The following MARCKS variants were observed in gnomAD, a reference collection of about 807,000 sequenced individuals.
The protein encoded by MARCKS is myristoylated alanine rich protein kinase C substrate.
Under a neutral mutation model 6.3 loss-of-function variants are expected in MARCKS, and 4 were observed. The ratio of observed to expected loss-of-function variants is 0.63; its 90% CI spans 0.31 to 1.45. The LOEUF is 1.45. MARCKS is among the 40% of genes most tolerant of loss of function. The pLI is 0.07. For missense variants in MARCKS, 636 were observed against 485.7 expected (o/e 1.31, Z -2.91); for synonymous variants, 289 against 236.5 (o/e 1.22, Z -2.04).
rs13210099 is a variant in MARCKS, at chr6:113,860,376, G to A, written c.796G>A (p.Glu266Lys). Residue 266 changes from glutamate (E) to lysine (K), a missense_variant, in exon 2 of 2, where the codon GAG becomes AAG. Physicochemically the swap from Glu to Lys is moderately conservative, Grantham distance 56. Coordinates refer to ENST00000612661, the MANE Select transcript of MARCKS (RefSeq NM_002356.7). ...CGCCGAGGAGCCCAGCAAGGTGGAG[G>A]AGAAAAAGGCCGAGGAGGCCGGGGC... is the stretch of plus-strand genomic sequence containing the variant. ...KAAEEPSKVE[E>K]KKAEEAGASA... 1.6e-6 allele frequency: 2 copies of A among 1,278,606 alleles called. No homozygotes were observed. Among genetic ancestry groups the A allele is most frequent in the African/African-American group, 1.6e-5 (1 of 61,660 alleles). The allele number at this position is 1,278,606 out of a possible 1,614,324, so 79.2% of individuals were successfully genotyped here.
Position 113,857,491 on chromosome 6 carries a change from A to T in MARCKS, c.-255A>T. On this transcript the variant is annotated 5_prime_UTR_variant, in exon 1 of 2. Transcript: ENST00000612661. ...ACTTGGGCTCCTTTTTTTGTGCTCG[A>T]CTTTTCCACCCTTTTTCCCTCCCTC... 2.3e-6 allele frequency: 1 copy of T among 439,386 alleles called. No homozygotes were observed. 27.2% of individuals were successfully genotyped at this position (439,386 alleles called of 1,614,324 possible). A position where few individuals can be genotyped will look rare whatever the true frequency, so the allele number is the denominator to read the frequency against.
chr6:113,857,816 T>A lies in MARCKS; in HGVS notation c.71T>A (p.Val24Glu). ...AAAERPGEAAVASSPSKANGQ... is the reference protein window; with the variant it reads ...AAAERPGEAAEASSPSKANGQ... ...GCGGAGAGGCCTGGGGAGGCGGCTGTGGCCTCGTCGCCTTCCAAAGCGAAC... is the reference window on the plus strand; with the variant it reads ...GCGGAGAGGCCTGGGGAGGCGGCTGAGGCCTCGTCGCCTTCCAAAGCGAAC... Residue 24 changes from valine to glutamate, a missense_variant, in exon 1 of 2, where the codon GTG becomes GAG. By Grantham distance (121) the Val-to-Glu change is moderately radical. Transcript: ENST00000612661. 6.2e-7 allele frequency: 1 copy of A among 1,606,596 alleles called. No individual in the cohort carries two copies. The highest frequency in any genetic ancestry group is 8.5e-7 in the Non-Finnish European group (1 of 1,176,964).
chr6:113,858,081 A>T (rs916868034), intron 1 of MARCKS, among the ~76,000 whole-genome samples: 1 of 152,138 alleles, frequency 6.6e-6, no homozygotes, highest in African/African-American at 2.4e-5. Flanking sequence ...AGGAGTGATA[A>T]ATCGTCTAAA....
chr6:113,858,614 G>T (rs919843107), intron 1 of MARCKS, among the ~76,000 whole-genome samples: 1 of 152,222 alleles, frequency 6.6e-6, no homozygotes, highest in Non-Finnish European at 1.5e-5. Context: ...GACCACCCGC[G>T]AGGGGCCGCC....
Position 113,861,876 on chromosome 6 carries a change from T to TTGCA in MARCKS, c.*1301_*1304dup, listed in dbSNP as rs1774905470. ...TCTTAGGTTAATTTTTAGGAAGATC[T>TTGCA]TGCATGCCATCAGGAGTAAATTTTA... On this transcript the variant is annotated 3_prime_UTR_variant, in exon 2 of 2. Coordinates refer to ENST00000612661, the MANE Select transcript of MARCKS (RefSeq NM_002356.7). 6.6e-6 allele frequency: 1 copy of TTGCA among 152,608 alleles called. No individual in the cohort carries two copies. Among genetic ancestry groups the TTGCA allele is most frequent in the South Asian group, 2.1e-4 (1 of 4,836 alleles). 9.5% of individuals were successfully genotyped at this position (152,608 alleles called of 1,614,324 possible).
rs1774857134 is a variant in MARCKS, at chr6:113,859,868, C to T, written c.288C>T (p.Pro96=). Residue 96 remains proline, a synonymous_variant, in exon 2 of 2, where the codon CCC becomes CCT. Coordinates refer to ENST00000612661, the MANE Select transcript of MARCKS (RefSeq NM_002356.7). The part of the protein sequence containing the change: ...EKGEPAAAAA[P]EAGASPVEKE... ...GTGAGCCGGCCGCCGCCGCTGCCCC[C>T]GAGGCCGGGGCCAGCCCGGTAGAGA... 1.5e-6 allele frequency: 2 copies of T among 1,348,712 alleles called. No homozygotes were observed. Among genetic ancestry groups the T allele is most frequent in the South Asian group, 1.7e-5 (1 of 60,380 alleles). 83.5% of individuals were successfully genotyped at this position (1,348,712 alleles called of 1,614,324 possible). A position where few individuals can be genotyped will look rare whatever the true frequency, so the allele number is the denominator to read the frequency against.
rs1265576265 is a variant in MARCKS at position 113,862,778 on chromosome 6, A to G, written c.*2199A>G. On this transcript the variant is annotated 3_prime_UTR_variant, in exon 2 of 2. Coordinates refer to ENST00000612661, the MANE Select transcript of MARCKS (RefSeq NM_002356.7). The stretch of plus-strand genomic sequence containing the variant: ...TTCTTAATTGGAATAATGGATCAAA[A>G]ATAGTGGTTCATGACCTTACCAAAC... 1 of 152,190 alleles carries G rather than the reference A, an allele frequency of 6.6e-6. No homozygotes were observed. Among genetic ancestry groups the G allele is most frequent in the Non-Finnish European group, 1.5e-5 (1 of 67,990 alleles). 9.4% of individuals were successfully genotyped at this position (152,190 alleles called of 1,614,324 possible).
At position 113,860,176 on chromosome 6, in the gene MARCKS, G is replaced by T; in HGVS notation, c.596G>T (p.Gly199Val). The T allele has an allele frequency of 7.9e-7, 1 of 1,270,352 alleles. No individual in the cohort carries two copies. The highest frequency in any genetic ancestry group is 1.0e-6 in the Non-Finnish European group (1 of 998,550). The allele number at this position is 1,270,352 out of a possible 1,614,324, so 78.7% of individuals were successfully genotyped here. A position where few individuals can be genotyped will look rare whatever the true frequency, so the allele number is the denominator to read the frequency against. Residue 199 changes from glycine to valine, a missense_variant, in exon 2 of 2, where the codon GGC becomes GTC. Coordinates refer to ENST00000612661, the MANE Select transcript of MARCKS (RefSeq NM_002356.7). ...GGCGGCAAGGACGAGGCCGCCGGGGGCGCAGCTGCGGCCGCCGCCGAGGCG... is the reference window on the plus strand; with the variant it reads ...GGCGGCAAGGACGAGGCCGCCGGGGTCGCAGCTGCGGCCGCCGCCGAGGCG... ...AEGGKDEAAGGAAAAAAEAGA... is the reference protein window; with the variant it reads ...AEGGKDEAAGVAAAAAAEAGA...
Position 113,859,697 on chromosome 6 carries a change from GA to G in MARCKS, c.119del (p.Lys40ArgfsTer2). ...KANGQENGHV[K>X]VNGDASPAAA... ...CTGCCCCTTAGGAGAATGGCCACGT[GA>G]AGGTAAACGGCGACGCTTCGCCCGC... is the stretch of plus-strand genomic sequence containing the variant. On this transcript the variant is annotated frameshift_variant, in exon 2 of 2. Coordinates refer to ENST00000612661, the MANE Select transcript of MARCKS (RefSeq NM_002356.7). LOFTEE classifies it low-confidence loss of function (END_TRUNC). 6.6e-7 allele frequency: 1 copy of G among 1,505,920 alleles called. No individual in the cohort carries two copies. Among genetic ancestry groups the G allele is most frequent in the East Asian group, 2.9e-5 (1 of 34,554 alleles). 93.3% of individuals were successfully genotyped at this position (1,505,920 alleles called of 1,614,324 possible).
chr6:113,861,236 C>T lies in MARCKS; in HGVS notation c.*657C>T, dbSNP rs1774897698. On this transcript the variant is annotated 3_prime_UTR_variant, in exon 2 of 2. Coordinates refer to ENST00000612661, the MANE Select transcript of MARCKS (RefSeq NM_002356.7). ...TCATAGTCTTAGGAGTTCATTTAAA[C>T]CATAGGAACTTTTCACTTATCTCAT... 6.6e-6 allele frequency: 1 copy of T among 151,066 alleles called. No homozygotes were observed. The highest frequency in any genetic ancestry group is 2.1e-4 in the South Asian group (1 of 4,782). The allele number at this position is 151,066 out of a possible 1,614,324, so 9.4% of individuals were successfully genotyped here. A position where few individuals can be genotyped will look rare whatever the true frequency, so the allele number is the denominator to read the frequency against.
At chr6:113,859,094 G>A (rs915746036) in intron 1 of MARCKS, among the ~76,000 whole-genome samples, 7 of 152,070 alleles carry the variant, frequency 4.6e-5, no homozygotes, top group Non-Finnish European at 1.0e-4. Flanking sequence ...ACGCGGCGCG[G>A]TGGAGGCACA....
At chr6:113,857,979 C>A in intron 1 of MARCKS, 132 bp downstream of exon 1, 1 of 804,382 alleles carries the variant, frequency 1.2e-6, no homozygotes, top group Non-Finnish European at 2.0e-6. Flanking sequence ...AAATGGATAG[C>A]CTAAATTGTG....
rs542546280 is a variant in MARCKS at position 113,862,694 on chromosome 6, C to A, written c.*2115C>A. On this transcript the variant is annotated 3_prime_UTR_variant, in exon 2 of 2. Coordinates refer to ENST00000612661, the MANE Select transcript of MARCKS (RefSeq NM_002356.7). Reference sequence around the variant, plus strand: ...ATAAATCATTGAACCACATGTGTAACAACTGAATGCCAAATCTTAAACTCA... The same window carrying A: ...ATAAATCATTGAACCACATGTGTAAAAACTGAATGCCAAATCTTAAACTCA... 6.6e-6 allele frequency: 1 copy of A among 152,142 alleles called. No homozygotes were observed. The highest frequency in any genetic ancestry group is 1.9e-4 in the East Asian group (1 of 5,160). The allele number at this position is 152,142 out of a possible 1,614,324, so 9.4% of individuals were successfully genotyped here.
At position 113,862,780 on chromosome 6, in the gene MARCKS, T is replaced by G. The variant is rs1357843462; in HGVS notation, c.*2201T>G. On this transcript the variant is annotated 3_prime_UTR_variant, in exon 2 of 2. Coordinates refer to ENST00000612661, the MANE Select transcript of MARCKS (RefSeq NM_002356.7). ...CTTAATTGGAATAATGGATCAAAAATAGTGGTTCATGACCTTACCAAACAC... is the reference window on the plus strand; with the variant it reads ...CTTAATTGGAATAATGGATCAAAAAGAGTGGTTCATGACCTTACCAAACAC... 1 of 152,154 alleles carries G rather than the reference T, an allele frequency of 6.6e-6. No individual in the cohort carries two copies. Among genetic ancestry groups the G allele is most frequent in the East Asian group, 1.9e-4 (1 of 5,208 alleles). 9.4% of individuals were successfully genotyped at this position (152,154 alleles called of 1,614,324 possible).
rs1350635161 is a variant in MARCKS at position 113,860,541 on chromosome 6, T to G, written c.961T>G (p.Cys321Gly). The G allele has an allele frequency of 1.3e-6, 2 of 1,560,612 alleles. No individual in the cohort carries two copies. Among genetic ancestry groups the G allele is most frequent in the South Asian group, 1.2e-5 (1 of 86,808 alleles). ...CCCCTCACAGGAGGCCCAGCCCGAG[T>G]GCAGTCCAGAAGCCCCCCCAGCGGA... ...AAPSQEAQPE[C>G]SPEAPPAEAA... The change falls in exon 2 of 2, where the codon TGC becomes GGC. Residue 321 changes from cysteine to glycine, a missense_variant. Cys to Gly is a radical substitution (Grantham distance 159). Coordinates refer to ENST00000612661, the MANE Select transcript of MARCKS (RefSeq NM_002356.7).
rs1050033774 is a variant in MARCKS at position 113,860,732 on chromosome 6, TTTG to T, written c.*159_*161del. On this transcript the variant is annotated 3_prime_UTR_variant, in exon 2 of 2. Transcript: ENST00000612661. ...TTTTACTTTTTTTTAAGCACCAAAT[TTTG>T]TTGTTTTTTTTTTTTCTCCCCTCCC... is the stretch of plus-strand genomic sequence containing the variant. The T allele has an allele frequency of 1.1e-5, 5 of 465,036 alleles. No homozygotes were observed. Among genetic ancestry groups the T allele is most frequent in the Admixed American group, 5.6e-5 (1 of 17,916 alleles). The allele number at this position is 465,036 out of a possible 1,614,324, so 28.8% of individuals were successfully genotyped here.
chr6:113,857,489 C>T lies in MARCKS; in HGVS notation c.-257C>T. 2.3e-6 allele frequency: 1 copy of T among 437,582 alleles called. No homozygotes were observed. Among genetic ancestry groups the T allele is most frequent in the Non-Finnish European group, 4.1e-6 (1 of 246,662 alleles). 27.1% of individuals were successfully genotyped at this position (437,582 alleles called of 1,614,324 possible). ...ACACTTGGGCTCCTTTTTTTGTGCT[C>T]GACTTTTCCACCCTTTTTCCCTCCC... On this transcript the variant is annotated 5_prime_UTR_variant, in exon 1 of 2. Transcript: ENST00000612661.
In MARCKS at chr6:113,860,470, C is replaced by A; in HGVS notation, c.890C>A (p.Pro297His). The change falls in exon 2 of 2, where the codon CCC becomes CAC. Residue 297 changes from proline to histidine, a missense_variant. By Grantham distance (77) the Pro-to-His change is moderately conservative (BLOSUM62 -2). Transcript: ENST00000612661. ...PGAPPEQEAA[P>H]AEEPAAAAAS... ...GCGCCCCCGGAGCAGGAGGCAGCCC[C>A]CGCGGAGGAGCCCGCGGCCGCCGCA... 7.0e-7 allele frequency: 1 copy of A among 1,437,686 alleles called. No individual in the cohort carries two copies. Among genetic ancestry groups the A allele is most frequent in the Non-Finnish European group, 9.2e-7 (1 of 1,086,874 alleles). 89.1% of individuals were successfully genotyped at this position (1,437,686 alleles called of 1,614,324 possible). A position where few individuals can be genotyped will look rare whatever the true frequency, so the allele number is the denominator to read the frequency against.
chr6:113,859,618 G>C, intron 1 of MARCKS, 65 bp from the exon 2 acceptor site: 1 of 1,373,448 alleles, frequency 7.3e-7, no homozygotes, highest in Non-Finnish European at 9.6e-7. Context: ...CCGGTCCAGG[G>C]CTGGGGGCGG....
Sources: gnomAD v4.1 joint callset for allele counts (sites outside exome capture counted in the v4.1 genomes callset) on GRCh38, gnomAD v4.1.1 for gene constraint, MANE v1.5 for transcripts, NCBI Gene and HGNC (gene_info 2026-07-23, HGNC 2026-07-21) for gene names.